RYR3: variants seen among roughly 807,000 people sequenced by gnomAD.
RYR3 encodes ryanodine receptor 3, also known as brain ryanodine receptor-calcium release channel.
RYR3 carries 207 observed loss-of-function variants against 584.3 expected under a neutral mutation model. That is an observed-to-expected ratio of 0.35 (90% confidence interval 0.32 to 0.40). The LOEUF (loss-of-function observed/expected upper bound fraction) is 0.40. Ranked by LOEUF, RYR3 falls within the 10% of genes least tolerant of loss-of-function variation. The pLI is 1.00. For missense variants in RYR3, 5,616 were observed against 6,089.2 expected, an observed-to-expected ratio of 0.92 and a Z score of 2.59; for synonymous variants, 2,416 against 2,248.5, an observed-to-expected ratio of 1.07 and a Z score of -2.11.
Position 33,637,917 on chromosome 15 carries a change from A to C in RYR3, c.3556+1367A>C, listed in dbSNP as rs574160208. ...GCTGCACCCATTAACTCATCATTTA[A>C]CATTAGCTATATCTCCTAATGCTAT... On this transcript the variant is annotated intron_variant, in intron 27 of 103. Coordinates refer to ENST00000634891, the MANE Select transcript of RYR3 (RefSeq NM_001036.6). Among the ~76,000 whole-genome samples, 37 of 152,222 alleles carry C rather than the reference A, an allele frequency of 2.4e-4. No homozygotes were observed. The South Asian group carries it at 5.4e-3, about 22-fold the overall frequency.
Position 33,586,106 on chromosome 15 carries a change from G to A in RYR3, c.1778G>A (p.Arg593Gln), listed in dbSNP as rs757881583. 16 of 1,595,238 alleles carry A rather than the reference G, an allele frequency of 1.0e-5. No homozygotes were observed. The highest frequency in any genetic ancestry group is 2.2e-5 in the East Asian group (1 of 44,802). Residue 593 changes from arginine (R) to glutamine (Q), a missense_variant, in exon 16 of 104, where the codon CGG becomes CAG. Arg to Gln is a conservative substitution (Grantham distance 43). Around this residue, in one of 9 missense-constraint regions of RYR3, gnomAD observed 1,284 missense variants for 1,344.6 expected, o/e 0.95. Transcript: ENST00000634891. ...SIISLLDKHG[R>Q]NHKVLDILCS... ...ATCTCCCTGTTGGATAAGCACGGGC[G>A]GAATCACAAGGTAGGTGTGGAAAGA...
At chr15:33,347,275 G>C (rs1406292555) in intron 1 of RYR3, among the ~76,000 whole-genome samples, 1 of 152,046 alleles carries the variant, frequency 6.6e-6, no homozygotes, top group Non-Finnish European at 1.5e-5. Flanking sequence ...TAAATGATTT[G>C]GAAGTCTTCT....
At chr15:33,404,804 ATTCCT>A (rs1041853766) in intron 1 of RYR3, among the ~76,000 whole-genome samples, 4 of 152,206 alleles carry the variant, frequency 2.6e-5, no homozygotes, top group African/African-American at 9.6e-5. Flanking sequence ...GACAGAATAT[ATTCCT>A]TTCATTTGTA....
chr15:33,641,300 C>T (rs542178223), intron 27 of RYR3, among the ~76,000 whole-genome samples: 161 of 152,356 alleles, frequency 1.1e-3, no homozygotes, highest in African/African-American at 3.8e-3. Flanking sequence ...TGTTGAGCCC[C>T]AGTCCACTTT....
chr15:33,724,453 G>T (rs35798799), intron 45 of RYR3, among the ~76,000 whole-genome samples: 25,472 of 152,098 alleles, frequency 0.17, 2,839 homozygotes, highest in East Asian at 0.51. Context: ...CCTCCCATTT[G>T]ACATGCCTCA....
At chr15:33,674,963 C>T (rs555151139) in intron 38 of RYR3, among the ~76,000 whole-genome samples, 2 of 150,700 alleles carry the variant, frequency 1.3e-5, no homozygotes, top group East Asian at 3.9e-4. Context: ...CTTGAAAAAT[C>T]CAGTGGCTAT....
chr15:33,857,877 A>G lies in RYR3; in HGVS notation c.14105A>G (p.Asp4702Gly), dbSNP rs1438544317. 1.2e-6 allele frequency: 2 copies of G among 1,614,198 alleles called. No individual in the cohort carries two copies. The highest frequency in any genetic ancestry group is 1.7e-6 in the Non-Finnish European group (2 of 1,180,038). The part of the protein sequence containing the change: ...FRKFYNKSED[D>G]DEPDMKCDDM... ...AAGTTCTACAACAAAAGCGAAGACG[A>G]TGACGAGCCCGATATGAAGTGCGAC... The change falls in exon 99 of 104, where the codon GAT (aspartate) becomes GGT (glycine). Residue 4702 changes from aspartate (D) to glycine (G), a missense_variant. Asp to Gly is a moderately conservative substitution (Grantham distance 94). Around this residue, in one of 9 missense-constraint regions of RYR3, gnomAD observed 918 missense variants for 887.4 expected, o/e 1.03. Transcript: ENST00000634891.
At chr15:33,600,844 C>T (rs1208142029) in intron 16 of RYR3, among the ~76,000 whole-genome samples, 2 of 152,134 alleles carry the variant, frequency 1.3e-5, no homozygotes. Flanking sequence ...GGGAATCTTA[C>T]GTGCCTTTTT....
At chr15:33,635,953 G>C in intron 26 of RYR3, 134 bp downstream of exon 26, 1 of 726,988 alleles carries the variant, frequency 1.4e-6, no homozygotes, top group Non-Finnish European at 2.3e-6. Context: ...TGTAGACATT[G>C]AATGGGCATC....
rs1038979325 is a variant in RYR3 at position 33,340,294 on chromosome 15, T to G, written c.51+29198T>G. Among the ~76,000 whole-genome samples the G allele has an allele frequency of 2.2e-4, 33 of 152,230 alleles. 1 individual carries two copies. Among genetic ancestry groups the G allele is most frequent in the African/African-American group, 7.7e-4 (32 of 41,446 alleles). The stretch of plus-strand genomic sequence containing the variant: ...GCAGAGGGTCAGGGGCTCCAGGATG[T>G]GCTCTTCTTACTGTCTGTCATGCTG... On this transcript the variant is annotated intron_variant, in intron 1 of 103. Coordinates refer to ENST00000634891, the MANE Select transcript of RYR3 (RefSeq NM_001036.6).
chr15:33,334,442 T>C (rs1970720608), intron 1 of RYR3, among the ~76,000 whole-genome samples: 1 of 152,206 alleles, frequency 6.6e-6, no homozygotes, highest in African/African-American at 2.4e-5. Context: ...AGGGATTCCC[T>C]ATTCAATAAA....
chr15:33,642,078 G>A (rs1231400470), intron 27 of RYR3, among the ~76,000 whole-genome samples: 1 of 152,138 alleles, frequency 6.6e-6, no homozygotes, highest in Non-Finnish European at 1.5e-5. Flanking sequence ...TTAAAGTGCT[G>A]TCCTCTCTAC....
intron 27 of RYR3, among the ~76,000 whole-genome samples, chr15:33,640,362 ACT>A (rs1341882098): frequency 1.3e-5 from 2 of 152,058 alleles, no homozygotes; most frequent in South Asian, 2.1e-4. Context: ...ATCTCCTGTA[ACT>A]CTGTCTTTGA....
In RYR3 at chr15:33,548,175, T is replaced by C. The variant is rs2141220978; in HGVS notation, c.786T>C (p.Ser262=). The C allele has an allele frequency of 6.2e-7, 1 of 1,612,602 alleles. No individual in the cohort carries two copies. Among genetic ancestry groups the C allele is most frequent in the South Asian group, 1.1e-5 (1 of 90,616 alleles). The change falls in exon 9 of 104, where the codon TCT becomes TCC. Residue 262 remains serine (S), a synonymous_variant. Coordinates refer to ENST00000634891, the MANE Select transcript of RYR3 (RefSeq NM_001036.6). ...EAGGAGTRAR[S]LWRVEPLRIS... ...GGGGAGCTGGGACTCGAGCCAGGTC[T>C]CTTTGGAGAGTGGAACCCCTTCGGA...
At chr15:33,846,275 A>C (rs975409918) in intron 93 of RYR3, among the ~76,000 whole-genome samples, 1 of 152,148 alleles carries the variant, frequency 6.6e-6, no homozygotes, top group African/African-American at 2.4e-5. Flanking sequence ...TTTCCATTGC[A>C]TTCTGTGGTT....
At chr15:33,359,542 A>C (rs143698907) in intron 1 of RYR3, among the ~76,000 whole-genome samples, 3 of 152,064 alleles carry the variant, frequency 2.0e-5, no homozygotes, top group Non-Finnish European at 2.9e-5. Context: ...CTTTCACTTC[A>C]CTGAGGTTTC....
chr15:33,444,824 G>A (rs1336807892), intron 1 of RYR3, among the ~76,000 whole-genome samples: 2 of 152,036 alleles, frequency 1.3e-5, no homozygotes, highest in Non-Finnish European at 2.9e-5. Flanking sequence ...GTTAATGGGT[G>A]CAGCACACCA....
At chr15:33,455,333 GT>G (rs11317559) in intron 1 of RYR3, among the ~76,000 whole-genome samples, 84,575 of 151,880 alleles carry the variant, frequency 0.56, 24,001 homozygotes, top group African/African-American at 0.68. Flanking sequence ...CAGATAAGAT[GT>G]TTAGGAGTTA....
At chr15:33,633,323 G>C (rs1375208300) in intron 24 of RYR3, among the ~76,000 whole-genome samples, 1 of 152,206 alleles carries the variant, frequency 6.6e-6, no homozygotes, top group Non-Finnish European at 1.5e-5. Flanking sequence ...ATAGTCCCAC[G>C]TATCTACTGG....
Sources: gnomAD v4.1 joint callset for allele counts (sites outside exome capture counted in the v4.1 genomes callset) on GRCh38, gnomAD v4.1.1 for gene constraint, gnomAD v4.1.1 regional missense constraint, MANE v1.5 for transcripts, NCBI Gene and HGNC (gene_info 2026-07-23, HGNC 2026-07-21) for gene names.